PNPLA7: variants seen among roughly 807,000 people sequenced by gnomAD.
PNPLA7 encodes the protein patatin like domain 7, lysophospholipase.
In PNPLA7, 153 loss-of-function variants were observed where a neutral mutation model predicts 161.7. That is an observed-to-expected ratio of 0.95 (90% CI 0.83 to 1.08). The LOEUF is 1.08. Ranked by LOEUF, PNPLA7 falls within the 50% of genes least tolerant of loss-of-function variation. The pLI is 0.00. For synonymous variants in PNPLA7, 809 were observed against 782.1 expected (o/e 1.03, Z -0.57); for missense variants, 1,739 against 1,856.6 (o/e 0.94, Z 1.16).
chr9:137,512,467 G>A (rs1338294375), intron 12 of PNPLA7, among the ~76,000 whole-genome samples: 8 of 152,274 alleles, frequency 5.3e-5, no homozygotes, highest in Admixed American at 1.3e-4. Context: ...GTGGGGAGCA[G>A]GTTTTACAAC....
At position 137,468,046 on chromosome 9, in the gene PNPLA7, A is replaced by G. The variant is rs769135916; in HGVS notation, c.2883-573T>C. Among the ~76,000 whole-genome samples the G allele has an allele frequency of 6.6e-6, 1 of 152,092 alleles. No individual in the cohort carries two copies. Among genetic ancestry groups the G allele is most frequent in the Admixed American group, 6.5e-5 (1 of 15,280 alleles). On this transcript the variant is annotated intron_variant, in intron 25 of 34. Transcript: ENST00000406427. The surrounding 1 kb of genome is among the most constrained non-coding windows in gnomAD (Gnocchi z 4.0). ...ACCCGGAAACACGGCTGCCTCCAGC[A>G]GGGCGTCTGAGAGGTGGTGGGAAAA... is the stretch of plus-strand genomic sequence containing the variant.
intron 23 of PNPLA7, chr9:137,479,467 A>G (rs1018517404): frequency 1.6e-6 from 2 of 1,230,876 alleles, no homozygotes; most frequent in Non-Finnish European, 2.0e-6. Flanking sequence ...CAGGAGGGGG[A>G]CGCCTCCTCT....
rs373495383 is a variant in PNPLA7, at chr9:137,501,740, C to T, written c.1474-13G>A. ...ACAGAGATGAGTCCTAAAAACAGAG[C>T]AGACTTCAGGGAACACGGGCGGGAA... is the stretch of plus-strand genomic sequence containing the variant. On this transcript the variant is annotated splice_polypyrimidine_tract_variant and intron_variant, in intron 14 of 34. Coordinates refer to ENST00000406427, the MANE Select transcript of PNPLA7 (RefSeq NM_001098537.3). The T allele has an allele frequency of 5.2e-5, 84 of 1,611,652 alleles. No individual in the cohort carries two copies. Among genetic ancestry groups the T allele is most frequent in the Middle Eastern group, 3.3e-4 (2 of 6,080 alleles).
At chr9:137,538,869 T>C (rs968022178) in intron 8 of PNPLA7, among the ~76,000 whole-genome samples, 1 of 151,938 alleles carries the variant, frequency 6.6e-6, no homozygotes, top group Non-Finnish European at 1.5e-5. Flanking sequence ...CTGGCCAACA[T>C]GGTGAAACCC....
At chr9:137,511,338 T>A (rs370251705) in intron 12 of PNPLA7, among the ~76,000 whole-genome samples, 1,509 of 72,282 alleles carry the variant, frequency 0.021, no homozygotes, top group South Asian at 0.05. Flanking sequence ...GTAGCGCCAG[T>A]GCCTGGGAAG....
At chr9:137,515,274 T>C (rs843967) in intron 12 of PNPLA7, 105 bp downstream of exon 12, 948,074 of 1,434,612 alleles carry the variant, frequency 0.66, 316,032 homozygotes, top group East Asian at 0.87. Flanking sequence ...TAGTGGAGGG[T>C]GCCCGCCTCG....
intron 25 of PNPLA7, among the ~76,000 whole-genome samples, chr9:137,474,183 G>A (rs1831836177): frequency 6.6e-6 from 1 of 152,186 alleles, no homozygotes; most frequent in African/African-American, 2.4e-5. Context: ...AGGTTGCAGT[G>A]AGCTGAGATT....
chr9:137,480,276 G>T, intron 23 of PNPLA7, 36 bp downstream of exon 23: 8 of 1,596,348 alleles, frequency 5.0e-6, no homozygotes, highest in Non-Finnish European at 5.1e-6. Context: ...TGAAGAGAGG[G>T]CTCTCCCCAG....
intron 19 of PNPLA7, among the ~76,000 whole-genome samples, chr9:137,493,376 C>T (rs1426576751): frequency 6.6e-6 from 1 of 152,220 alleles, no homozygotes; most frequent in Admixed American, 6.5e-5. Flanking sequence ...CAGCCTCTCA[C>T]TCTCACTTCA....
At chr9:137,538,740 G>A (rs561512958) in intron 8 of PNPLA7, among the ~76,000 whole-genome samples, 4 of 152,296 alleles carry the variant, frequency 2.6e-5, no homozygotes, top group African/African-American at 9.6e-5. Flanking sequence ...AAGAAAAAAA[G>A]ATTAAACACA....
chr9:137,502,703 C>CGGGGGGGACGAG, intron 14 of PNPLA7, among the ~76,000 whole-genome samples: 1 of 11,194 alleles, frequency 8.9e-5, no homozygotes, highest in African/African-American at 5.8e-4. Context: ...GGGGGGGACG[C>CGGGGGGGACGAG]GGGGGACGCG....
At chr9:137,464,537 C>T in intron 26 of PNPLA7, 81 bp from the exon 27 acceptor site, 1 of 1,294,924 alleles carries the variant, frequency 7.7e-7, no homozygotes, top group Non-Finnish European at 1.1e-6. Context: ...TGCTGAGGGC[C>T]TCTCATGAAT....
At chr9:137,464,584 C>G in intron 26 of PNPLA7, 128 bp from the exon 27 acceptor site, 1 of 875,810 alleles carries the variant, frequency 1.1e-6, no homozygotes, top group Admixed American at 1.9e-5. Context: ...GCCCCACCCA[C>G]GGTCCTGAGG....
chr9:137,519,841 G>A, intron 11 of PNPLA7, 76 bp downstream of exon 11: 1 of 1,542,704 alleles, frequency 6.5e-7, no homozygotes, highest in South Asian at 1.2e-5. Context: ...GATGACCTGG[G>A]GTGACCTGAG....
chr9:137,522,354 G>A (rs1028817332), intron 9 of PNPLA7, among the ~76,000 whole-genome samples: 3 of 149,872 alleles, frequency 2.0e-5, no homozygotes, highest in African/African-American at 5.1e-5. Context: ...GGTTACAGGC[G>A]GGAGCCGCCG....
chr9:137,523,231 C>T lies in PNPLA7; in HGVS notation c.748-374G>A, dbSNP rs1226817483. ...CCGACATCAGCGTCGGTACCCCTCG[C>T]CAAAGGGCGTGCCAGACACCAACCT... On this transcript the variant is annotated intron_variant, in intron 8 of 34. Transcript: ENST00000406427. This position sits in a 1 kb window ranked among gnomAD's most constrained non-coding sequence, Gnocchi z 4.4. Among the ~76,000 whole-genome samples, 2 of 152,142 alleles carry T rather than the reference C, an allele frequency of 1.3e-5. No homozygotes were observed. The highest frequency in any genetic ancestry group is 2.9e-5 in the Non-Finnish European group (2 of 68,012).
At chr9:137,528,903 C>CAT (rs1564357355) in intron 8 of PNPLA7, among the ~76,000 whole-genome samples, 1 of 150,928 alleles carries the variant, frequency 6.6e-6, no homozygotes, top group Non-Finnish European at 1.5e-5. Context: ...GGTTTCACTG[C>CAT]GTTAGCCAGG....
At chr9:137,487,111 C>T (rs1832525583) in intron 20 of PNPLA7, among the ~76,000 whole-genome samples, 2 of 152,226 alleles carry the variant, frequency 1.3e-5, no homozygotes, top group Non-Finnish European at 2.9e-5. Flanking sequence ...CCGACAGGGC[C>T]CAGTGCTTGG....
At chr9:137,507,025 G>T (rs1179795442) in intron 12 of PNPLA7, among the ~76,000 whole-genome samples, 1 of 152,242 alleles carries the variant, frequency 6.6e-6, no homozygotes, top group East Asian at 1.9e-4. Context: ...AGGCCCAGGA[G>T]CACAGCCATG....
Sources: allele counts gnomAD v4.1 joint callset (sites outside exome capture counted in the v4.1 genomes callset), GRCh38; gene constraint gnomAD v4.1.1; non-coding constraint Gnocchi (gnomAD v3.1); transcripts MANE v1.5; gene names NCBI Gene and HGNC (gene_info 2026-07-23, HGNC 2026-07-21).